LRRK2: variants seen among roughly 807,000 people sequenced by gnomAD.
LRRK2 encodes leucine-rich repeat serine/threonine-protein kinase 2.
In LRRK2, 203 loss-of-function variants were observed where a neutral mutation model predicts 302.6. That is an observed-to-expected ratio of 0.67 (90% confidence interval 0.60 to 0.75). The LOEUF (loss-of-function observed/expected upper bound fraction) is 0.75, where lower values mean the gene tolerates loss of function less well. Among genes scored for constraint, LRRK2 ranks in the 30% least tolerant of loss-of-function variants. LRRK2 has a pLI of 0.00. For missense variants in LRRK2, 2,830 were observed against 2,951.0 expected (o/e 0.96, Z 0.95); for synonymous variants, 1,066 against 1,031.9 (o/e 1.03, Z -0.63).
chr12:40,233,795 A>G (rs1342937935), intron 3 of LRRK2, among the ~76,000 whole-genome samples: 1 of 152,214 alleles, frequency 6.6e-6, no homozygotes, highest in East Asian at 1.9e-4. Context: ...TAAATTACAT[A>G]AAAGTTTATG....
At chr12:40,256,183 A>G (rs1279676795) in intron 11 of LRRK2, among the ~76,000 whole-genome samples, 3 of 152,194 alleles carry the variant, frequency 2.0e-5, no homozygotes, top group African/African-American at 7.2e-5. Context: ...GTGGTGGCTC[A>G]CGCCTGTAAT....
chr12:40,267,626 C>G (rs1375259316), intron 14 of LRRK2, among the ~76,000 whole-genome samples: 4 of 152,136 alleles, frequency 2.6e-5, no homozygotes, highest in African/African-American at 9.7e-5. Flanking sequence ...TTGAGCACTG[C>G]TTTTCCCCCA....
At chr12:40,235,375 G>A (rs1225539747) in intron 3 of LRRK2, among the ~76,000 whole-genome samples, 1 of 152,182 alleles carries the variant, frequency 6.6e-6, no homozygotes, top group Non-Finnish European at 1.5e-5. Flanking sequence ...AGGAGGCTGA[G>A]GCAGGAGGAT....
At position 40,328,747 on chromosome 12, in the gene LRRK2, C is replaced by A. The variant is rs17466486; in HGVS notation, c.5757+287C>A. Among the ~76,000 whole-genome samples the A allele has an allele frequency of 0.13, 19,659 of 152,032 alleles. 1,548 individuals carry two copies. Among genetic ancestry groups the A allele is most frequent in the African/African-American group, 0.18 (7,649 of 41,452 alleles). The stretch of plus-strand genomic sequence containing the variant: ...CTCCTCTTTTTACTTTAGAACCTTG[C>A]TGTTCAAAATGTGCTCCATGGACAA... On this transcript the variant is annotated intron_variant, in intron 39 of 50. Transcript: ENST00000298910.
chr12:40,294,279 A>G (rs12820920), intron 21 of LRRK2, among the ~76,000 whole-genome samples: 61,584 of 151,546 alleles, frequency 0.41, 13,033 homozygotes, highest in South Asian at 0.54. Flanking sequence ...TTTTGGAACT[A>G]TGGAAGGACT....
chr12:40,342,172 C>A (rs1946064450), intron 41 of LRRK2, among the ~76,000 whole-genome samples: 1 of 152,182 alleles, frequency 6.6e-6, no homozygotes, highest in Non-Finnish European at 1.5e-5. Context: ...GGGCTGTGCG[C>A]TTGTACTTGA....
chr12:40,256,244 C>A (rs781637952), intron 11 of LRRK2, among the ~76,000 whole-genome samples: 7 of 152,106 alleles, frequency 4.6e-5, no homozygotes, highest in Non-Finnish European at 7.4e-5. Flanking sequence ...CTCAGGAGTT[C>A]AAGACCAGGC....
At chr12:40,316,223 G>A (rs922216954) in intron 33 of LRRK2, 50 of 482,510 alleles carry the variant, frequency 1.0e-4, no homozygotes, top group Admixed American at 2.6e-4. Flanking sequence ...AAACCATAAA[G>A]GTAATTAAAT....
chr12:40,231,426 G>A (rs957658665), intron 2 of LRRK2, among the ~76,000 whole-genome samples: 4 of 149,822 alleles, frequency 2.7e-5, no homozygotes, highest in Non-Finnish European at 1.5e-5. Flanking sequence ...GGGTGTGGTG[G>A]CACATACCTG....
chr12:40,343,397 C>T (rs1168281323), intron 41 of LRRK2, among the ~76,000 whole-genome samples: 1 of 152,142 alleles, frequency 6.6e-6, no homozygotes, highest in Non-Finnish European at 1.5e-5. Context: ...ATTTAACACA[C>T]CCATATAAAT....
chr12:40,322,606 T>A (rs1945437607), intron 37 of LRRK2, 96 bp downstream of exon 37: 1 of 1,114,634 alleles, frequency 9.0e-7, no homozygotes, highest in Non-Finnish European at 1.3e-6. Flanking sequence ...CCATAAGGGA[T>A]GAGTTGAAAA....
chr12:40,264,481 T>C (rs189833923), intron 14 of LRRK2, among the ~76,000 whole-genome samples: 29 of 152,168 alleles, frequency 1.9e-4, no homozygotes, highest in Admixed American at 1.9e-3. Flanking sequence ...TAACTGGGCA[T>C]GGTGGCACGT....
chr12:40,275,044 T>G, intron 16 of LRRK2, 51 bp downstream of exon 16: 3 of 1,604,782 alleles, frequency 1.9e-6, no homozygotes, highest in Non-Finnish European at 2.6e-6. Context: ...AATTTCACTT[T>G]TGGAGCAGTT....
At chr12:40,290,945 A>G (rs1449055831) in intron 20 of LRRK2, among the ~76,000 whole-genome samples, 2 of 152,108 alleles carry the variant, frequency 1.3e-5, no homozygotes, top group Non-Finnish European at 2.9e-5. Flanking sequence ...TTAAGGCTGT[A>G]TATGTCCTTA....
chr12:40,331,750 A>T (rs1029272155), intron 39 of LRRK2, among the ~76,000 whole-genome samples: 1 of 152,226 alleles, frequency 6.6e-6, no homozygotes, highest in African/African-American at 2.4e-5. Context: ...TTCATAGATC[A>T]ATAACTTGCA....
At chr12:40,335,895 A>G (rs1272890385) in intron 40 of LRRK2, among the ~76,000 whole-genome samples, 1 of 152,096 alleles carries the variant, frequency 6.6e-6, no homozygotes, top group Admixed American at 6.6e-5. Context: ...TTCCTCTCTC[A>G]TTTCACAGCT....
At chr12:40,314,678 C>T (rs964915508) in intron 32 of LRRK2, among the ~76,000 whole-genome samples, 2 of 152,008 alleles carry the variant, frequency 1.3e-5, no homozygotes, top group Non-Finnish European at 2.9e-5. Context: ...ATTCTCAAAG[C>T]AACTTCAGTG....
At chr12:40,347,515 T>A (rs1176999858) in intron 42 of LRRK2, among the ~76,000 whole-genome samples, 1 of 152,222 alleles carries the variant, frequency 6.6e-6, no homozygotes, top group Non-Finnish European at 1.5e-5. Flanking sequence ...AAAATACTTT[T>A]GAGTGTACAC....
chr12:40,322,638 A>C, intron 37 of LRRK2, 128 bp downstream of exon 37: 1 of 788,262 alleles, frequency 1.3e-6, no homozygotes. Context: ...AATTATAGGG[A>C]CAGTTCAGAA....
Sources: allele counts gnomAD v4.1 joint callset (sites outside exome capture counted in the v4.1 genomes callset), GRCh38; gene constraint gnomAD v4.1.1; transcripts MANE v1.5; gene names NCBI Gene and HGNC (gene_info 2026-07-23, HGNC 2026-07-21).